Variants in BEAN1 observed in about 807,000 individuals in gnomAD.
BEAN1 encodes protein BEAN1.
Under a neutral mutation model 17.7 loss-of-function variants are expected in BEAN1, and 17 were observed. That is an observed-to-expected ratio of 0.96 (90% CI 0.66 to 1.44). The LOEUF (loss-of-function observed/expected upper bound fraction) is 1.44. Ranked by LOEUF, BEAN1 falls within the 40% of genes most tolerant of loss-of-function variation. BEAN1 has a pLI of 0.00. For missense variants in BEAN1, 359 were observed against 374.1 expected, an observed-to-expected ratio of 0.96 and a Z score of 0.33; for synonymous variants, 142 against 151.8, an observed-to-expected ratio of 0.94 and a Z score of 0.47.
At chr16:66,493,813 C>T (rs991607932), downstream of BEAN1, among the ~76,000 whole-genome samples, 3 of 152,230 alleles carry the variant, frequency 2.0e-5, no homozygotes, top group Non-Finnish European at 2.9e-5. Context: ...GCACCTCTTC[C>T]GAGAGGAATG....
intron 2 of BEAN1, among the ~76,000 whole-genome samples, chr16:66,458,923 A>T (rs1962975394): frequency 6.6e-6 from 1 of 152,220 alleles, no homozygotes; most frequent in South Asian, 2.1e-4. Context: ...GCAGAGGCCC[A>T]TGGACCCAGG....
chr16:66,460,907 A>G (rs1000917084), intron 2 of BEAN1, among the ~76,000 whole-genome samples: 17 of 152,204 alleles, frequency 1.1e-4, no homozygotes, highest in African/African-American at 4.1e-4. Context: ...TTAACTGGGG[A>G]ATCCCATTAT....
chr16:66,488,532 A>ACG (rs1014965905), intron 4 of BEAN1, among the ~76,000 whole-genome samples: 5 of 131,062 alleles, frequency 3.8e-5, no homozygotes, highest in African/African-American at 2.1e-4. Flanking sequence ...AAAAAAAAAA[A>ACG]AAAAAAAACT....
At position 66,480,950 on chromosome 16, in the gene BEAN1, T is replaced by TGACC; in HGVS notation, c.*26_*27insACCG. 1.3e-5 allele frequency: 19 copies of TGACC among 1,411,960 alleles called. No individual in the cohort carries two copies. The highest frequency in any genetic ancestry group is 1.8e-5 in the Non-Finnish European group (19 of 1,069,154). 87.5% of individuals were successfully genotyped at this position (1,411,960 alleles called of 1,614,324 possible). Reference sequence around the variant, plus strand: ...AGGGACCCAGCCAGCCGGGTCCTGCTGGTCCCTACAGGCTGAACCACATTC... The same window carrying TGACC: ...AGGGACCCAGCCAGCCGGGTCCTGCTGACCGGTCCCTACAGGCTGAACCACATTC... On this transcript the variant is annotated 3_prime_UTR_variant, in exon 5 of 5. Coordinates refer to ENST00000536005, the MANE Select transcript of BEAN1 (RefSeq NM_001178020.3).
At position 66,469,880 on chromosome 16, in the gene BEAN1, ACCCTGGGGC is replaced by A; in HGVS notation, c.289+18_289+26del. The A allele has an allele frequency of 6.5e-7, 1 of 1,529,520 alleles. No individual in the cohort carries two copies. Among genetic ancestry groups the A allele is most frequent in the Non-Finnish European group, 8.7e-7 (1 of 1,144,194 alleles). The allele number at this position is 1,529,520 out of a possible 1,614,324, so 94.7% of individuals were successfully genotyped here. On this transcript the variant is annotated intron_variant, in intron 3 of 4. Coordinates refer to ENST00000536005, the MANE Select transcript of BEAN1 (RefSeq NM_001178020.3). Reference sequence around the variant, plus strand: ...GCACGGCTACGGTGAGCCGCCGCCCACCCTGGGGCCCTGGGACCTCATCTGACTGGGATT... The same window carrying A: ...GCACGGCTACGGTGAGCCGCCGCCCACCTGGGACCTCATCTGACTGGGATT...
chr16:66,479,287 G>T (rs1299683006), intron 4 of BEAN1, among the ~76,000 whole-genome samples: 1 of 152,112 alleles, frequency 6.6e-6, no homozygotes, highest in African/African-American at 2.4e-5. Context: ...AACAGGTGGG[G>T]CTGCTTCTGA....
chr16:66,455,936 C>T (rs1962849886), intron 2 of BEAN1, among the ~76,000 whole-genome samples: 1 of 152,242 alleles, frequency 6.6e-6, no homozygotes, highest in African/African-American at 2.4e-5. Flanking sequence ...ATCCGCCCAC[C>T]TCAGGCTCCC....
chr16:66,435,472 G>A (rs1018411590), intron 1 of BEAN1, among the ~76,000 whole-genome samples: 1 of 152,140 alleles, frequency 6.6e-6, no homozygotes, highest in African/African-American at 2.4e-5. Context: ...CAGCCAAAGT[G>A]CACTGAGAAA....
At chr16:66,480,096 G>T (rs1963927307) in intron 4 of BEAN1, among the ~76,000 whole-genome samples, 1 of 152,126 alleles carries the variant, frequency 6.6e-6, no homozygotes, top group Admixed American at 6.5e-5. Flanking sequence ...GCTCGAGCAG[G>T]GGTGGTGCTG....
intron 2 of BEAN1, among the ~76,000 whole-genome samples, chr16:66,467,250 T>C (rs1232157325): frequency 1.3e-5 from 2 of 152,210 alleles, no homozygotes; most frequent in African/African-American, 4.8e-5. Context: ...ACAGGGCAGA[T>C]TAGCATCTGT....
intron 3 of BEAN1, 41 bp downstream of exon 3, chr16:66,469,906 A>G (rs758754443): frequency 2.0e-6 from 3 of 1,521,010 alleles, no homozygotes; most frequent in South Asian, 2.4e-5. Context: ...ACCTCATCTG[A>G]CTGGGATTGC....
At chr16:66,477,358 C>G (rs920610039) in intron 3 of BEAN1, among the ~76,000 whole-genome samples, 3 of 152,234 alleles carry the variant, frequency 2.0e-5, no homozygotes, top group African/African-American at 7.2e-5. Flanking sequence ...TCTGCTTCCT[C>G]TCTGTATCCC....
At chr16:66,446,056 G>A (rs549287675) in intron 2 of BEAN1, among the ~76,000 whole-genome samples, 4 of 152,170 alleles carry the variant, frequency 2.6e-5, no homozygotes, top group East Asian at 1.9e-4. Context: ...GGTGGGGCAC[G>A]CCTGTAATCC....
chr16:66,491,700 A>G (rs1964177850), intron 4 of BEAN1, among the ~76,000 whole-genome samples: 1 of 152,176 alleles, frequency 6.6e-6, no homozygotes, highest in South Asian at 2.1e-4. Context: ...ACCTCAGACC[A>G]TCAAGCATTA....
chr16:66,492,925 C>T (rs112736805), intron 4 of BEAN1: 1 of 683,696 alleles, frequency 1.5e-6, no homozygotes, highest in Non-Finnish European at 2.7e-6. Flanking sequence ...CTGCTGAGGC[C>T]TGTCCCACTC....
At chr16:66,433,801 C>A (rs1471374123) in intron 1 of BEAN1, among the ~76,000 whole-genome samples, 1 of 152,202 alleles carries the variant, frequency 6.6e-6, no homozygotes, top group Non-Finnish European at 1.5e-5. Flanking sequence ...ACCCCCACAG[C>A]CTATCTCTGT....
At position 66,480,747 on chromosome 16, in the gene BEAN1, C is replaced by A; in HGVS notation, c.602C>A (p.Ala201Asp). Residue 201 changes from alanine (A) to aspartate (D), a missense_variant, in exon 5 of 5, where the codon GCC becomes GAC. Transcript: ENST00000536005. ...GRHQQEQRTP[A>D]QGGLHTVSMD... is the part of the protein sequence containing the mutation. ...CACCAGCAGGAGCAGAGGACCCCGG[C>A]CCAAGGTGGCCTTCACACGGTCTCC... 6.4e-7 allele frequency: 1 copy of A among 1,551,556 alleles called. No individual in the cohort carries two copies. The highest frequency in any genetic ancestry group is 8.7e-7 in the Non-Finnish European group (1 of 1,146,930).
At position 66,434,434 on chromosome 16, in the gene BEAN1, T is replaced by G. The variant is rs545494699; in HGVS notation, c.-82-3161T>G. On this transcript the variant is annotated intron_variant, in intron 1 of 4. Coordinates refer to ENST00000536005, the MANE Select transcript of BEAN1 (RefSeq NM_001178020.3). The surrounding 1 kb of genome is among the most constrained non-coding windows in gnomAD (Gnocchi z 4.3). ...GGTCTGATGCCACCAGGGAGTGGTT[T>G]TCTTCTGGGTCCTCCGGCAGAAATC... Among the ~76,000 whole-genome samples the G allele has an allele frequency of 1.3e-5, 2 of 152,254 alleles. No homozygotes were observed. The highest frequency in any genetic ancestry group is 4.2e-4 in the South Asian group (2 of 4,814).
At chr16:66,439,023 TGGG>T (rs1476877118) in intron 2 of BEAN1, among the ~76,000 whole-genome samples, 3 of 151,624 alleles carry the variant, frequency 2.0e-5, no homozygotes, top group Non-Finnish European at 4.4e-5. Flanking sequence ...ATCATGGGGG[TGGG>T]GGCCTCTCTT....
Sources: gnomAD v4.1 joint callset for allele counts (sites outside exome capture counted in the v4.1 genomes callset) on GRCh38, gnomAD v4.1.1 for gene constraint, Gnocchi (gnomAD v3.1) non-coding constraint, MANE v1.5 for transcripts, NCBI Gene and HGNC (gene_info 2026-07-23, HGNC 2026-07-21) for gene names.